The following SCNN1B variants were observed in gnomAD, a reference collection of about 807,000 sequenced individuals.
The protein encoded by SCNN1B is epithelial sodium channel subunit beta.
In SCNN1B, 46 loss-of-function variants were observed where a neutral mutation model predicts 65.3. The ratio of observed to expected loss-of-function variants is 0.70; its 90% CI spans 0.56 to 0.90. The LOEUF (loss-of-function observed/expected upper bound fraction) is 0.90, where lower values mean the gene tolerates loss of function less well. Among genes scored for constraint, SCNN1B ranks in the 40% least tolerant of loss-of-function variants. The pLI, the probability that SCNN1B is intolerant of heterozygous loss-of-function variation, is 0.00. For missense variants in SCNN1B, 751 were observed against 830.5 expected (o/e 0.90, Z 1.18); for synonymous variants, 349 against 330.6 (o/e 1.06, Z -0.60).
intron 2 of SCNN1B, among the ~76,000 whole-genome samples, chr16:23,292,737 C>A (rs1452350559): frequency 2.6e-5 from 4 of 151,028 alleles, no homozygotes; most frequent in African/African-American, 7.3e-5. Context: ...CTCCTGGGCT[C>A]AAGTGATCCG....
chr16:23,365,041 G>A (rs1039730398), intron 4 of SCNN1B, among the ~76,000 whole-genome samples: 4 of 151,940 alleles, frequency 2.6e-5, no homozygotes, highest in Admixed American at 6.6e-5. Flanking sequence ...CAGGAGAATC[G>A]CTTGAACACA....
In SCNN1B at chr16:23,371,232, G is replaced by C. The variant is rs34383357; in HGVS notation, c.881-67G>C. 7,936 of 1,570,380 alleles carry C rather than the reference G, an allele frequency of 5.1e-3. 28 individuals carry two copies. The highest frequency in any genetic ancestry group is 6.2e-3 in the Non-Finnish European group (7,084 of 1,148,612). ...CTGGCCGGAGGGAGCTTGGAGAAGT[G>C]GGTAGTGGGGTCTCCTTTCTGCCTC... is the stretch of plus-strand genomic sequence containing the variant. On this transcript the variant is annotated intron_variant, in intron 5 of 12. Coordinates refer to ENST00000343070, the MANE Select transcript of SCNN1B (RefSeq NM_000336.3).
chr16:23,323,174 G>A (rs891870633), intron 1 of SCNN1B, among the ~76,000 whole-genome samples: 3 of 152,022 alleles, frequency 2.0e-5, no homozygotes, highest in African/African-American at 7.2e-5. Flanking sequence ...CTCCAGCCTG[G>A]GTGACAGGAG....
chr16:23,343,162 A>T (rs1962087405), intron 1 of SCNN1B, among the ~76,000 whole-genome samples: 1 of 152,152 alleles, frequency 6.6e-6, no homozygotes, highest in East Asian at 1.9e-4. Context: ...CTCGTAAGAG[A>T]ACTGAAACAG....
intron 1 of SCNN1B, among the ~76,000 whole-genome samples, chr16:23,309,895 T>C (rs1349795351): frequency 6.6e-6 from 1 of 152,176 alleles, no homozygotes; most frequent in African/African-American, 2.4e-5. Flanking sequence ...CCTGTGGGCC[T>C]TCTCTCTTGG....
At chr16:23,294,107 C>T (rs1960963016) in intron 2 of SCNN1B, among the ~76,000 whole-genome samples, 2 of 152,102 alleles carry the variant, frequency 1.3e-5, no homozygotes, top group East Asian at 3.9e-4. Context: ...TGACTGTAAT[C>T]CCAGCACTTT....
At chr16:23,309,410 TGATAGATAGATA>T (rs58532372) in intron 1 of SCNN1B, among the ~76,000 whole-genome samples, 3,360 of 150,914 alleles carry the variant, frequency 0.022, 80 homozygotes, top group African/African-American at 0.055. Context: ...AGATAAATGA[TGATAGATAGATA>T]GATAGATAGA....
At chr16:23,373,398 G>A (rs1367976928) in intron 7 of SCNN1B, among the ~76,000 whole-genome samples, 2 of 152,204 alleles carry the variant, frequency 1.3e-5, no homozygotes, top group Non-Finnish European at 2.9e-5. Context: ...AAAGTGCTGG[G>A]ATTATAGGCA....
intron 1 of SCNN1B, among the ~76,000 whole-genome samples, chr16:23,329,237 G>C (rs1053088061): frequency 6.6e-6 from 1 of 152,022 alleles, no homozygotes; most frequent in Non-Finnish European, 1.5e-5. Context: ...TCAGCCTCCT[G>C]AGTAGCTGGG....
intron 3 of SCNN1B, 53 bp downstream of exon 3, chr16:23,353,127 A>T: frequency 6.3e-7 from 1 of 1,579,784 alleles, no homozygotes; most frequent in South Asian, 1.1e-5. Flanking sequence ...AGTGAGGCTG[A>T]TGGGTGTTTC....
intron 1 of SCNN1B, among the ~76,000 whole-genome samples, chr16:23,323,948 C>A (rs72654308): frequency 2.7e-3 from 413 of 152,266 alleles, no homozygotes; most frequent in African/African-American, 9.7e-3. Flanking sequence ...CTTCTTTCTC[C>A]CTAATGAATT....
intron 4 of SCNN1B, among the ~76,000 whole-genome samples, chr16:23,362,811 C>T (rs1052344843): frequency 2.0e-5 from 3 of 152,206 alleles, no homozygotes; most frequent in East Asian, 1.9e-4. Context: ...TGCCCTGGGG[C>T]GAGGTCTCTC....
At chr16:23,334,249 A>G (rs1260765568) in intron 1 of SCNN1B, among the ~76,000 whole-genome samples, 1 of 152,172 alleles carries the variant, frequency 6.6e-6, no homozygotes, top group Non-Finnish European at 1.5e-5. Context: ...ACTGCCTTAC[A>G]GTGAACCTCC....
chr16:23,368,777 G>A (rs558122262), intron 5 of SCNN1B, among the ~76,000 whole-genome samples: 3 of 152,144 alleles, frequency 2.0e-5, no homozygotes, highest in Admixed American at 6.6e-5. Flanking sequence ...AACTTGTCCA[G>A]GATCATGCAG....
chr16:23,297,093 G>GC (rs1567287036), intron 2 of SCNN1B, among the ~76,000 whole-genome samples: 1 of 152,004 alleles, frequency 6.6e-6, no homozygotes. Context: ...GAGACCCAGC[G>GC]CCTGGGGGCC....
At position 23,348,868 on chromosome 16, in the gene SCNN1B, TG is replaced by T; in HGVS notation, c.271del (p.Asp91ThrfsTer22). Reference sequence around the variant, plus strand: ...TCCCTCTCCGTAGGCTTCAAGACCATGGACTTCCCTGCCGTCACCATCTGCA... The same window carrying T: ...TCCCTCTCCGTAGGCTTCAAGACCATGACTTCCCTGCCGTCACCATCTGCA... The part of the protein sequence containing the change: ...SVSLSVGFKT[M>X]DFPAVTICNA... On this transcript the variant is annotated frameshift_variant, in exon 2 of 13. Transcript: ENST00000343070. LOFTEE classifies it high-confidence loss of function. The surrounding 1 kb of genome is among the most constrained non-coding windows in gnomAD (Gnocchi z 4.5). 1 of 1,614,100 alleles carries T rather than the reference TG, an allele frequency of 6.2e-7. No homozygotes were observed.
chr16:23,292,146 G>A (rs1439598497), intron 2 of SCNN1B, among the ~76,000 whole-genome samples: 1 of 150,000 alleles, frequency 6.7e-6, no homozygotes, highest in South Asian at 2.1e-4. Flanking sequence ...TTCATTCTCA[G>A]CAATCCCTTT....
Position 23,348,605 on chromosome 16 carries a change from C to T in SCNN1B, c.6C>T (p.His2=), listed in dbSNP as rs564570566. Residue 2 remains histidine, a synonymous_variant, in exon 2 of 13, where the codon CAC becomes CAT. Transcript: ENST00000343070. The surrounding 1 kb of genome is among the most constrained non-coding windows in gnomAD (Gnocchi z 4.5). ...GCCTCTCTGCAGGTGCCACTATGCACGTGAAGAAGTACCTGCTGAAGGGCC... is the reference window on the plus strand; with the variant it reads ...GCCTCTCTGCAGGTGCCACTATGCATGTGAAGAAGTACCTGCTGAAGGGCC... The part of the protein sequence containing the change: M[H]VKKYLLKGLH... 155 of 1,612,772 alleles carry T rather than the reference C, an allele frequency of 9.6e-5. No homozygotes were observed. In the South Asian group the frequency reaches 9.9e-4, roughly 10 times the overall value.
At chr16:23,287,586 A>G (rs774579546) in intron 2 of SCNN1B, among the ~76,000 whole-genome samples, 1 of 152,022 alleles carries the variant, frequency 6.6e-6, no homozygotes, top group Non-Finnish European at 1.5e-5. Flanking sequence ...TTAGCCAGCC[A>G]TGATAGCACG....
Sources: allele counts gnomAD v4.1 joint callset (sites outside exome capture counted in the v4.1 genomes callset), GRCh38; gene constraint gnomAD v4.1.1; non-coding constraint Gnocchi (gnomAD v3.1); transcripts MANE v1.5; gene names NCBI Gene and HGNC (gene_info 2026-07-23, HGNC 2026-07-21).